Variants in XIRP2 observed in about 807,000 individuals in gnomAD.
The protein encoded by XIRP2 is xin actin binding repeat containing 2.
XIRP2 carries 236 observed loss-of-function variants against 277.0 expected under a neutral mutation model. The ratio of observed to expected loss-of-function variants is 0.85; its 90% CI spans 0.77 to 0.95. The LOEUF (loss-of-function observed/expected upper bound fraction) is 0.95, where lower values mean the gene tolerates loss of function less well. Among genes scored for constraint, XIRP2 ranks in the 40% least tolerant of loss-of-function variants. The pLI is 0.00. For missense variants in XIRP2, 4,640 were observed against 4,157.5 expected (o/e 1.12, Z -3.19); for synonymous variants, 1,490 against 1,416.5 (o/e 1.05, Z -1.17).
At chr2:166,984,558 G>T (rs1686953191) in intron 2 of XIRP2, among the ~76,000 whole-genome samples, 1 of 152,098 alleles carries the variant, frequency 6.6e-6, no homozygotes, top group African/African-American at 2.4e-5. Flanking sequence ...GCAGGAAAAA[G>T]TATATTTTTA....
chr2:166,972,470 G>A (rs1225581329), intron 2 of XIRP2, among the ~76,000 whole-genome samples: 1 of 152,120 alleles, frequency 6.6e-6, no homozygotes, highest in Non-Finnish European at 1.5e-5. Flanking sequence ...CTCTGTTGCT[G>A]GATTACCTTC....
intron 2 of XIRP2, among the ~76,000 whole-genome samples, chr2:167,023,024 C>G (rs1200482521): frequency 2.6e-5 from 4 of 152,118 alleles, no homozygotes; most frequent in Non-Finnish European, 5.9e-5. Flanking sequence ...CCTGAGGAAT[C>G]GCCACACGGA....
rs569727014 is a variant in XIRP2 at position 167,210,623 on chromosome 2, A to G, written c.563-112A>G. 6.1e-5 allele frequency: 82 copies of G among 1,351,592 alleles called. No individual in the cohort carries two copies. The South Asian group carries it at 1.1e-3, about 18-fold the overall frequency. The allele number at this position is 1,351,592 out of a possible 1,614,324, so 83.7% of individuals were successfully genotyped here. On this transcript the variant is annotated intron_variant, in intron 3 of 10. Transcript: ENST00000409195. ...GACATTGAAAATATTGTGAAATGCT[A>G]CAGTCCATTTTACGAGATCAAGTAT... is the stretch of plus-strand genomic sequence containing the variant.
At chr2:166,926,706 A>G (rs1357830402) in intron 2 of XIRP2, among the ~76,000 whole-genome samples, 1 of 152,118 alleles carries the variant, frequency 6.6e-6, no homozygotes, top group Non-Finnish European at 1.5e-5. Flanking sequence ...GTGTTCTTGA[A>G]TGATTACTTC....
intron 2 of XIRP2, among the ~76,000 whole-genome samples, chr2:166,905,744 T>C (rs1323733562): frequency 2.6e-5 from 4 of 151,934 alleles, no homozygotes; most frequent in African/African-American, 9.7e-5. Context: ...TTATTTTCTA[T>C]ATAAATTCTA....
rs912584952 is a variant in XIRP2, at chr2:167,092,604, G to A, written c.409-43305G>A. ...AATAAAAAATATACCCATTTCCAACGGGGCATCATTTCTTGAACACTATAA... is the reference window on the plus strand; with the variant it reads ...AATAAAAAATATACCCATTTCCAACAGGGCATCATTTCTTGAACACTATAA... On this transcript the variant is annotated intron_variant, in intron 2 of 10. Transcript: ENST00000409195. Among the ~76,000 whole-genome samples, 6 of 152,124 alleles carry A rather than the reference G, an allele frequency of 3.9e-5. No homozygotes were observed. The South Asian group carries it at 1.0e-3, about 26-fold the overall frequency.
intron 2 of XIRP2, among the ~76,000 whole-genome samples, chr2:167,075,185 TG>T: frequency 1.3e-5 from 2 of 152,190 alleles, no homozygotes; most frequent in Non-Finnish European, 2.9e-5. Context: ...TTTGGTTTTT[TG>T]TTTTGTTTTG....
chr2:167,118,572 C>T (rs571457577), intron 2 of XIRP2, among the ~76,000 whole-genome samples: 57 of 151,560 alleles, frequency 3.8e-4, no homozygotes, highest in African/African-American at 1.1e-3. Flanking sequence ...TTTGCCCTTG[C>T]GCCTTTTACC....
At chr2:167,201,263 AG>A (rs1404019813) in intron 3 of XIRP2, among the ~76,000 whole-genome samples, 1,847 of 132,894 alleles carry the variant, frequency 0.014, 49 homozygotes, top group East Asian at 0.036. Context: ...AGAAAGAAAG[AG>A]AGAGGGAGAA....
At chr2:166,925,592 T>TATAC (rs1470976621) in intron 2 of XIRP2, among the ~76,000 whole-genome samples, 1 of 59,138 alleles carries the variant, frequency 1.7e-5, no homozygotes, top group Non-Finnish European at 3.4e-5. Flanking sequence ...TGTATGTGTA[T>TATAC]ATACATATAT....
chr2:167,074,816 G>A (rs751382788), intron 2 of XIRP2, among the ~76,000 whole-genome samples: 3 of 152,048 alleles, frequency 2.0e-5, no homozygotes, highest in Non-Finnish European at 4.4e-5. Context: ...ATAGAGACAG[G>A]GTTTTGCCAT....
rs1402797083 is a variant in XIRP2, at chr2:167,249,955, CA to C, written c.8567del (p.Lys2856ArgfsTer75). 6.2e-7 allele frequency: 1 copy of C among 1,613,414 alleles called. No individual in the cohort carries two copies. Among genetic ancestry groups the C allele is most frequent in the Non-Finnish European group, 8.5e-7 (1 of 1,179,694 alleles). On this transcript the variant is annotated frameshift_variant, in exon 9 of 11. Coordinates refer to ENST00000409195, the MANE Select transcript of XIRP2 (RefSeq NM_152381.6). LOFTEE classifies it high-confidence loss of function. ...KNKSAPKVVK[Q>X]KVIDAHLDSQ... is the part of the protein sequence containing the mutation. ...TAAATCAGCACCAAAGGTCGTCAAGCAAAAGGTTATCGATGCACATCTTGAT... is the reference window on the plus strand; with the variant it reads ...TAAATCAGCACCAAAGGTCGTCAAGCAAAGGTTATCGATGCACATCTTGAT...
chr2:166,980,986 T>C (rs79613514), intron 2 of XIRP2, among the ~76,000 whole-genome samples: 5,142 of 152,258 alleles, frequency 0.034, 108 homozygotes, highest in East Asian at 0.079. Flanking sequence ...TGGTTAATAT[T>C]ATACAATTTC....
At chr2:166,894,384 C>G (rs954755052) in intron 1 of XIRP2, among the ~76,000 whole-genome samples, 2 of 152,090 alleles carry the variant, frequency 1.3e-5, no homozygotes, top group Admixed American at 1.3e-4. Flanking sequence ...AATGTCAGCT[C>G]CATGTATTTA....
At chr2:167,144,836 A>G (rs1017219181) in intron 3 of XIRP2, among the ~76,000 whole-genome samples, 1 of 152,196 alleles carries the variant, frequency 6.6e-6, no homozygotes, top group Admixed American at 6.5e-5. Flanking sequence ...GCTATTAAGA[A>G]ACTTTAATGT....
chr2:167,088,802 T>C (rs1690046996), intron 2 of XIRP2, among the ~76,000 whole-genome samples: 1 of 152,184 alleles, frequency 6.6e-6, no homozygotes, highest in Non-Finnish European at 1.5e-5. Context: ...CTCTTATTCA[T>C]CTTTCATGTT....
At chr2:166,942,306 A>T (rs1685741359) in intron 2 of XIRP2, among the ~76,000 whole-genome samples, 1 of 152,208 alleles carries the variant, frequency 6.6e-6, no homozygotes, top group Non-Finnish European at 1.5e-5. Context: ...TTAGCCTTGG[A>T]GTCAAGCAAA....
In XIRP2 at chr2:166,972,893, G is replaced by A. The variant is rs144386118; in HGVS notation, c.408+69003G>A. The stretch of plus-strand genomic sequence containing the variant: ...TGGCAAAAGAAGAATGGCAATTTTT[G>A]TAATCAATTATTTTGTGTTCCAGAT... On this transcript the variant is annotated intron_variant, in intron 2 of 10. Transcript: ENST00000409195. 1.5e-3 allele frequency among the ~76,000 whole-genome samples: 227 copies of A among 152,218 alleles called. 1 individual carries two copies. Among genetic ancestry groups the A allele is most frequent in the African/African-American group, 5.2e-3 (217 of 41,546 alleles).
chr2:167,150,727 C>A (rs1045832692), intron 3 of XIRP2, among the ~76,000 whole-genome samples: 1 of 151,904 alleles, frequency 6.6e-6, no homozygotes, highest in Non-Finnish European at 1.5e-5. Flanking sequence ...AGAAATTGGG[C>A]AACTTTTTGA....
Sources: gnomAD v4.1 joint callset for allele counts (sites outside exome capture counted in the v4.1 genomes callset) on GRCh38, gnomAD v4.1.1 for gene constraint, MANE v1.5 for transcripts, NCBI Gene and HGNC (gene_info 2026-07-23, HGNC 2026-07-21) for gene names.